OBSL1: variants seen among roughly 807,000 people sequenced by gnomAD.
OBSL1 encodes the protein obscurin-like protein 1.
OBSL1 carries 160 observed loss-of-function variants against 172.0 expected under a neutral mutation model. The ratio of observed to expected loss-of-function variants is 0.93; its 90% confidence interval spans 0.82 to 1.06. The LOEUF (loss-of-function observed/expected upper bound fraction) is 1.06, where lower values mean the gene tolerates loss of function less well. OBSL1 is among the 50% of genes least tolerant of loss of function. The pLI, the probability that OBSL1 is intolerant of heterozygous loss-of-function variation, is 0.00. For missense variants in OBSL1, 2,681 were observed against 2,715.4 expected (o/e 0.99, Z 0.28); for synonymous variants, 1,200 against 1,196.3 (o/e 1.00, Z -0.06).
intron 18 of OBSL1, 130 bp from the exon 19 acceptor site, chr2:219,552,346 G>A: frequency 1.1e-6 from 1 of 951,172 alleles, no homozygotes; most frequent in Non-Finnish European, 1.6e-6. Context: ...GCGGAACAGG[G>A]ATGCGGAGCG....
At position 219,570,531 on chromosome 2, in the gene OBSL1, G is replaced by C. The variant is rs954638614; in HGVS notation, c.702C>G (p.Pro234=). The C allele has an allele frequency of 2.5e-6, 4 of 1,609,116 alleles. No individual in the cohort carries two copies. Among genetic ancestry groups the C allele is most frequent in the Non-Finnish European group, 3.4e-6 (4 of 1,178,344 alleles). ...LQVHQPPESP[P]ADPDEAPAPV... is the part of the protein sequence containing the mutation. ...GCGCGGGGGCCTCGTCGGGGTCCGC[G>C]GGCGGGCTCTCGGGGGGCTGGTGCA... The change falls in exon 1 of 21, where the codon CCC becomes CCG. Residue 234 remains proline, a synonymous_variant. Coordinates refer to ENST00000404537, the MANE Select transcript of OBSL1 (RefSeq NM_015311.3).
chr2:219,563,585 A>G lies in OBSL1; in HGVS notation c.2450T>C (p.Val817Ala), dbSNP rs775536582. Residue 817 changes from valine to alanine, a missense_variant, in exon 7 of 21, where the codon GTG becomes GCG. Around this residue, in one of 5 missense-constraint regions of OBSL1, gnomAD observed 1,765 missense variants for 1,748.3 expected, o/e 1.01. Coordinates refer to ENST00000404537, the MANE Select transcript of OBSL1 (RefSeq NM_015311.3). ...GACACACTCGGAAGTTATGGCATGCACGAACACATGTTCTCGGGGGTCCAC... is the reference window on the plus strand; with the variant it reads ...GACACACTCGGAAGTTATGGCATGCGCGAACACATGTTCTCGGGGGTCCAC... ...HIVDPREHVF[V>A]HAITSECVML... 1.5e-5 allele frequency: 24 copies of G among 1,613,584 alleles called. No homozygotes were observed. Among genetic ancestry groups the G allele is most frequent in the Non-Finnish European group, 2.0e-5 (24 of 1,179,766 alleles).
At chr2:219,550,543 C>T, downstream of OBSL1, 6 of 459,504 alleles carry the variant, frequency 1.3e-5, no homozygotes, top group Non-Finnish European at 2.4e-5. Flanking sequence ...CCCCACCCCA[C>T]TCTGTTTTAC....
Position 219,558,478 on chromosome 2 carries a change from GA to G in OBSL1, c.3227-20del. The G allele has an allele frequency of 6.4e-7, 1 of 1,550,946 alleles. No homozygotes were observed. The highest frequency in any genetic ancestry group is 1.2e-5 in the South Asian group (1 of 84,366). On this transcript the variant is annotated intron_variant, in intron 9 of 20. Transcript: ENST00000404537. The stretch of plus-strand genomic sequence containing the variant: ...GGTGGGGCTGGTGGGTGGGCATGGA[GA>G]GGGGCACATAGGCTTGGCCAGCAGG...
chr2:219,549,054 C>G, downstream of OBSL1: 1 of 1,381,532 alleles, frequency 7.2e-7, no homozygotes, highest in Non-Finnish European at 1.0e-6. Flanking sequence ...CAAGAGGAAT[C>G]TGGAAGCCTA....
intron 8 of OBSL1, among the ~76,000 whole-genome samples, 153 bp downstream of exon 8, chr2:219,562,248 AG>A (rs1293036587): frequency 6.6e-6 from 1 of 152,128 alleles, no homozygotes; most frequent in Non-Finnish European, 1.5e-5. Flanking sequence ...TTCCTTGAAT[AG>A]GGGCCCTGGG....
chr2:219,563,939 G>A (rs1490802505), intron 6 of OBSL1, among the ~76,000 whole-genome samples: 2 of 152,158 alleles, frequency 1.3e-5, no homozygotes, highest in African/African-American at 4.8e-5. Flanking sequence ...GCTGAAGGGA[G>A]GTCACTGTCA....
downstream of OBSL1, among the ~76,000 whole-genome samples, chr2:219,548,732 G>A (rs1695449889): frequency 6.6e-6 from 1 of 152,176 alleles, no homozygotes; most frequent in South Asian, 2.1e-4. Flanking sequence ...AACCACTGGA[G>A]AGTTTAAAGT....
chr2:219,563,752 G>T, intron 6 of OBSL1, 125 bp from the exon 7 acceptor site: 4 of 1,053,954 alleles, frequency 3.8e-6, no homozygotes, highest in Non-Finnish European at 5.6e-6. Flanking sequence ...GTCCTGCTGT[G>T]TAGGGACTCA....
At position 219,550,728 on chromosome 2, in the gene OBSL1, T is replaced by G; in HGVS notation, c.*107A>C. 2.8e-4 allele frequency: 403 copies of G among 1,438,886 alleles called. No homozygotes were observed. Among genetic ancestry groups the G allele is most frequent in the Non-Finnish European group, 3.5e-4 (368 of 1,047,104 alleles). The allele number at this position is 1,438,886 out of a possible 1,614,324, so 89.1% of individuals were successfully genotyped here. On this transcript the variant is annotated 3_prime_UTR_variant, in exon 21 of 21. Transcript: ENST00000404537. ...CACATCACTCAGAGAGGCAAGGAAA[T>G]GAGCTGTAGCACTTTTATTGTTCCT...
At chr2:219,555,160 C>T (rs1695908972) in intron 14 of OBSL1, 1 of 187,516 alleles carries the variant, frequency 5.3e-6, no homozygotes, top group African/African-American at 2.3e-5. Context: ...AACATTGGGA[C>T]ACAGGTTTAT....
Position 219,562,619 on chromosome 2 carries a change from GC to G in OBSL1, c.2735del (p.Arg912ProfsTer7). ...PSGKVYVAAV[R>X]LERVVLTCEL... Reference sequence around the variant, plus strand: ...CACAGGTCAGCACCACACGCTCCAGGCGCACGGCTGCCACATACACCTTGCC... The same window carrying G: ...CACAGGTCAGCACCACACGCTCCAGGGCACGGCTGCCACATACACCTTGCC... On this transcript the variant is annotated frameshift_variant, in exon 8 of 21. Transcript: ENST00000404537. LOFTEE classifies it high-confidence loss of function. 1 of 1,593,944 alleles carries G rather than the reference GC, an allele frequency of 6.3e-7. No homozygotes were observed. Among genetic ancestry groups the G allele is most frequent in the Non-Finnish European group, 8.5e-7 (1 of 1,170,886 alleles).
chr2:219,558,945 G>C, intron 9 of OBSL1: 1 of 473,796 alleles, frequency 2.1e-6, no homozygotes, highest in Non-Finnish European at 3.7e-6. Flanking sequence ...TTGGTTCACT[G>C]CTGTATCCCC....
rs184685898 is a variant in OBSL1 at position 219,567,522 on chromosome 2, G to T, written c.1588C>A (p.His530Asn). The T allele has an allele frequency of 1.2e-6, 2 of 1,613,440 alleles. No individual in the cohort carries two copies. Among genetic ancestry groups the T allele is most frequent in the Non-Finnish European group, 8.5e-7 (1 of 1,179,638 alleles). Residue 530 changes from histidine (H) to asparagine (N), a missense_variant, in exon 4 of 21, where the codon CAC becomes AAC. Transcript: ENST00000404537. ...PPILAEMFKG[H>N]KNTVLLTWKP... ...CAGGTCAACAGGACCGTGTTCTTGTGGCCCTTGAACATCTCTGCCAATATG... is the reference window on the plus strand; with the variant it reads ...CAGGTCAACAGGACCGTGTTCTTGTTGCCCTTGAACATCTCTGCCAATATG...
chr2:219,551,937 C>G (rs1695640747), intron 19 of OBSL1, 139 bp from the exon 20 acceptor site: 3 of 875,870 alleles, frequency 3.4e-6, no homozygotes, highest in Admixed American at 4.7e-5. Flanking sequence ...CACCTCAGAC[C>G]CAAAGTCTCC....
intron 15 of OBSL1, 27 bp downstream of exon 15, chr2:219,554,447 G>T (rs1695852690): frequency 1.2e-6 from 2 of 1,609,740 alleles, no homozygotes; most frequent in East Asian, 4.5e-5. Flanking sequence ...CAGGTCAGCA[G>T]GCAGGCTGTG....
chr2:219,548,032 C>T (rs553724587), downstream of OBSL1: 9 of 1,586,806 alleles, frequency 5.7e-6, no homozygotes, highest in East Asian at 4.5e-5. Flanking sequence ...GCCTGATGGG[C>T]GTTCTGGTGC....
At chr2:219,548,979 A>G, downstream of OBSL1, 1 of 656,516 alleles carries the variant, frequency 1.5e-6, no homozygotes, top group South Asian at 1.9e-5. Context: ...CAACAGCGGG[A>G]AGTCTCCTCT....
rs758122041 is a variant in OBSL1, at chr2:219,570,809, C to G, written c.424G>C (p.Gly142Arg). ...TGPRSQWVLR[G>R]AEVVLTCRAG... ...CGGCACGTCAGCACCACCTCCGCCC[C>G]CCGCAGCACCCACTGGGATCGAGGC... The change falls in exon 1 of 21, where the codon GGG becomes CGG. Residue 142 changes from glycine to arginine, a missense_variant. Transcript: ENST00000404537. 4.7e-6 allele frequency: 7 copies of G among 1,484,422 alleles called. No homozygotes were observed. The highest frequency in any genetic ancestry group is 2.2e-5 in the Admixed American group (1 of 45,270). 92.0% of individuals were successfully genotyped at this position (1,484,422 alleles called of 1,614,324 possible).
Sources: gnomAD v4.1 joint callset for allele counts (sites outside exome capture counted in the v4.1 genomes callset) on GRCh38, gnomAD v4.1.1 for gene constraint, gnomAD v4.1.1 regional missense constraint, MANE v1.5 for transcripts, NCBI Gene and HGNC (gene_info 2026-07-23, HGNC 2026-07-21) for gene names.